The following FBXO10 variants were observed in gnomAD, a reference collection of about 807,000 sequenced individuals.
FBXO10 encodes F-box only protein 10.
A neutral mutation model predicts 80.7 loss-of-function variants in FBXO10; 39 were observed. The observed-to-expected ratio is 0.48, with a 90% CI of 0.37 to 0.63. FBXO10 has a LOEUF of 0.63. Ranked by LOEUF, FBXO10 falls within the 30% of genes least tolerant of loss-of-function variation. FBXO10 has a pLI of 0.00. For missense variants in FBXO10, 1,025 were observed against 1,269.0 expected, an observed-to-expected ratio of 0.81 and a Z score of 2.92; for synonymous variants, 449 against 489.6, an observed-to-expected ratio of 0.92 and a Z score of 1.09.
chr9:37,547,287 A>G (rs902306871), intron 1 of FBXO10, among the ~76,000 whole-genome samples: 1 of 152,166 alleles, frequency 6.6e-6, no homozygotes, highest in Non-Finnish European at 1.5e-5. Flanking sequence ...ACATGTATGA[A>G]CCTCAAAAAT....
At chr9:37,525,023 G>C in intron 6 of FBXO10, 79 bp downstream of exon 6, 1 of 1,236,888 alleles carries the variant, frequency 8.1e-7, no homozygotes, top group Non-Finnish European at 1.2e-6. Flanking sequence ...TAAAGGAGCA[G>C]TGTGAGGTCC....
At chr9:37,527,912 G>A (rs961766740) in intron 5 of FBXO10, among the ~76,000 whole-genome samples, 3 of 152,130 alleles carry the variant, frequency 2.0e-5, no homozygotes, top group African/African-American at 4.8e-5. Flanking sequence ...ATTATATTCC[G>A]TAATTTTTGA....
intron 1 of FBXO10, among the ~76,000 whole-genome samples, chr9:37,545,529 GT>G (rs1283748168): frequency 2.0e-5 from 3 of 152,066 alleles, no homozygotes; most frequent in African/African-American, 7.2e-5. Context: ...TATCCATTTT[GT>G]AGCTGAGCAA....
At chr9:37,518,540 A>G in intron 8 of FBXO10, 102 bp from the exon 9 acceptor site, 1 of 994,566 alleles carries the variant, frequency 1.0e-6, no homozygotes, top group South Asian at 1.7e-5. Flanking sequence ...GGGAGAACGG[A>G]GTGGAGAAGA....
chr9:37,522,299 C>CA, intron 7 of FBXO10: 1 of 964,742 alleles, frequency 1.0e-6, no homozygotes, highest in Non-Finnish European at 1.2e-6. Flanking sequence ...AGAAGGCAGT[C>CA]ATGAGGATTA....
At chr9:37,521,502 G>T in intron 8 of FBXO10, 67 bp downstream of exon 8, 3 of 1,394,466 alleles carry the variant, frequency 2.2e-6, no homozygotes, top group Middle Eastern at 2.0e-4. Context: ...GTTTTAAATT[G>T]GAGAAAAAAA....
intron 10 of FBXO10, among the ~76,000 whole-genome samples, chr9:37,514,712 T>G (rs532406281): frequency 7.9e-5 from 12 of 152,110 alleles, no homozygotes; most frequent in African/African-American, 2.9e-4. Context: ...TGGGCGCCTG[T>G]AATCCCAGCT....
intron 1 of FBXO10, among the ~76,000 whole-genome samples, chr9:37,550,185 T>TG (rs1822160054): frequency 7.8e-6 from 1 of 128,490 alleles, no homozygotes; most frequent in African/African-American, 2.9e-5. Flanking sequence ...TTTTTTTTTT[T>TG]TTTTTTTTTT....
chr9:37,572,763 G>C (rs1014214501), intron 1 of FBXO10, among the ~76,000 whole-genome samples: 1 of 152,114 alleles, frequency 6.6e-6, no homozygotes, highest in Non-Finnish European at 1.5e-5. Context: ...TGGTGATTAC[G>C]TGTGTATTTC....
chr9:37,528,304 C>A (rs985003600), intron 5 of FBXO10, among the ~76,000 whole-genome samples: 4 of 152,226 alleles, frequency 2.6e-5, no homozygotes, highest in South Asian at 2.1e-4. Flanking sequence ...AAGGGTCACA[C>A]TGCAGTGACC....
intron 1 of FBXO10, among the ~76,000 whole-genome samples, chr9:37,569,030 T>G (rs35086964): frequency 0.17 from 25,252 of 152,110 alleles, 2,219 homozygotes; most frequent in Middle Eastern, 0.25. Context: ...AGTGGTGCTA[T>G]TAATGAAAAT....
At chr9:37,539,390 C>A (rs935981080) in intron 2 of FBXO10, among the ~76,000 whole-genome samples, 5 of 152,280 alleles carry the variant, frequency 3.3e-5, no homozygotes, top group Admixed American at 6.5e-5. Context: ...CATCCCAGGC[C>A]CCCATGTCTC....
intron 6 of FBXO10, among the ~76,000 whole-genome samples, chr9:37,523,962 G>A (rs1821406450): frequency 6.6e-6 from 1 of 152,208 alleles, no homozygotes; most frequent in African/African-American, 2.4e-5. Flanking sequence ...AGTCCTCAGA[G>A]GCAGAATGTG....
Position 37,541,446 on chromosome 9 carries a change from C to T in FBXO10, c.323G>A (p.Arg108His), listed in dbSNP as rs1446530321. The change falls in exon 2 of 11, where the codon CGT becomes CAT. Residue 108 changes from arginine to histidine, a missense_variant. Coordinates refer to ENST00000432825, the MANE Select transcript of FBXO10 (RefSeq NM_012166.3). ...ACGGCCTGGCCCAACACTCAGGGTACGTCGTTCCCTCCTCCGGCGGAATAG... is the reference window on the plus strand; with the variant it reads ...ACGGCCTGGCCCAACACTCAGGGTATGTCGTTCCCTCCTCCGGCGGAATAG... ...FSLFRRRRER[R>H]TLSVGPGREF... 8.1e-6 allele frequency: 13 copies of T among 1,613,924 alleles called. No homozygotes were observed. The highest frequency in any genetic ancestry group is 3.3e-5 in the Admixed American group (2 of 60,006).
chr9:37,530,386 A>G (rs1385540281), intron 4 of FBXO10, among the ~76,000 whole-genome samples: 2 of 152,220 alleles, frequency 1.3e-5, no homozygotes, highest in Non-Finnish European at 2.9e-5. Flanking sequence ...CAAAAGGAGT[A>G]TGCAGCAGCA....
chr9:37,528,231 C>A (rs1236354676), intron 5 of FBXO10, among the ~76,000 whole-genome samples: 1 of 152,224 alleles, frequency 6.6e-6, no homozygotes, highest in African/African-American at 2.4e-5. Context: ...TGGCCCAAGC[C>A]TTTCTTTCCA....
chr9:37,563,326 T>C (rs1822527027), intron 1 of FBXO10, among the ~76,000 whole-genome samples: 1 of 152,124 alleles, frequency 6.6e-6, no homozygotes, highest in African/African-American at 2.4e-5. Context: ...ATACAGTAAA[T>C]TGGTACTACA....
In FBXO10 at chr9:37,537,648, G is replaced by A. The variant is rs1821805812; in HGVS notation, c.881C>T (p.Ser294Phe). 6.2e-7 allele frequency: 1 copy of A among 1,614,000 alleles called. No individual in the cohort carries two copies. The highest frequency in any genetic ancestry group is 8.5e-7 in the Non-Finnish European group (1 of 1,179,892). ...LPTEDSDFLM[S>F]LDLESRDQAW... ...CTGGTCCCGGCTCTCTAGGTCCAGG[G>A]ACATTAAAAAGTCAGAGTCCTCTGT... is the stretch of plus-strand genomic sequence containing the variant. The change falls in exon 3 of 11, where the codon TCC becomes TTC. Residue 294 changes from serine (S) to phenylalanine (F), a missense_variant. Around this residue, in one of 3 missense-constraint regions of FBXO10, gnomAD observed 450 missense variants for 499.4 expected, o/e 0.90. Coordinates refer to ENST00000432825, the MANE Select transcript of FBXO10 (RefSeq NM_012166.3).
In FBXO10 at chr9:37,511,901, C is replaced by T. The variant is rs954816907; in HGVS notation, c.*646G>A. ...CATCCCTGCCCACCCAGCCTAGCAT[C>T]TGCCTGCACGCTGCAGCCCCACCTG... is the stretch of plus-strand genomic sequence containing the variant. On this transcript the variant is annotated 3_prime_UTR_variant, in exon 11 of 11. Transcript: ENST00000432825. The T allele has an allele frequency of 1.3e-5, 2 of 152,522 alleles. No homozygotes were observed. Among genetic ancestry groups the T allele is most frequent in the African/African-American group, 4.8e-5 (2 of 41,448 alleles). 9.4% of individuals were successfully genotyped at this position (152,522 alleles called of 1,614,324 possible). A position where few individuals can be genotyped will look rare whatever the true frequency, so the allele number is the denominator to read the frequency against.
Sources: gnomAD v4.1 joint callset for allele counts (sites outside exome capture counted in the v4.1 genomes callset) on GRCh38, gnomAD v4.1.1 for gene constraint, gnomAD v4.1.1 regional missense constraint, MANE v1.5 for transcripts, NCBI Gene and HGNC (gene_info 2026-07-23, HGNC 2026-07-21) for gene names.